Variants in GBP7 observed in about 807,000 individuals in gnomAD.
The protein encoded by GBP7 is guanylate-binding protein 7.
In GBP7, 43 loss-of-function variants were observed where a neutral mutation model predicts 61.3. The ratio of observed to expected loss-of-function variants is 0.70; its 90% CI spans 0.55 to 0.91. The LOEUF is 0.91. Ranked by LOEUF, GBP7 falls within the 40% of genes least tolerant of loss-of-function variation. GBP7 has a pLI of 0.00. For synonymous variants in GBP7, 267 were observed against 271.0 expected (o/e 0.99, Z 0.14); for missense variants, 717 against 740.5 (o/e 0.97, Z 0.37).
intron 8 of GBP7, among the ~76,000 whole-genome samples, chr1:89,146,882 C>T (rs1427682534): frequency 6.6e-6 from 1 of 152,184 alleles, no homozygotes; most frequent in African/African-American, 2.4e-5. Flanking sequence ...CATCATAGAA[C>T]ACAGGACAGT....
At chr1:89,159,549 G>A (rs567491282) in intron 3 of GBP7, among the ~76,000 whole-genome samples, 21 of 152,184 alleles carry the variant, frequency 1.4e-4, no homozygotes, top group Middle Eastern at 3.4e-3. Flanking sequence ...AAAAGTGGGC[G>A]AAGGATATGA....
chr1:89,148,002 A>T (rs1014500579), intron 7 of GBP7, among the ~76,000 whole-genome samples: 1 of 152,170 alleles, frequency 6.6e-6, no homozygotes, highest in Non-Finnish European at 1.5e-5. Flanking sequence ...AGTATGATTA[A>T]CAGTGATCTA....
intron 3 of GBP7, among the ~76,000 whole-genome samples, chr1:89,161,549 A>C (rs145788178): frequency 6.6e-6 from 1 of 151,040 alleles, no homozygotes; most frequent in East Asian, 1.9e-4. Flanking sequence ...TTTTTTCCAT[A>C]TGATTGTTGG....
At chr1:89,141,322 T>G (rs1181456635) in intron 9 of GBP7, among the ~76,000 whole-genome samples, 1 of 152,188 alleles carries the variant, frequency 6.6e-6, no homozygotes, top group Non-Finnish European at 1.5e-5. Flanking sequence ...CTCTGAATTC[T>G]GTCACTAGCC....
chr1:89,155,494 G>A (rs1682298661), intron 3 of GBP7, among the ~76,000 whole-genome samples: 1 of 152,140 alleles, frequency 6.6e-6, no homozygotes, highest in Non-Finnish European at 1.5e-5. Flanking sequence ...AGAATAAACA[G>A]CATAGAGAAG....
At chr1:89,141,486 A>ATC in intron 9 of GBP7, 60 bp downstream of exon 9, 1 of 1,442,782 alleles carries the variant, frequency 6.9e-7, no homozygotes, top group Admixed American at 1.8e-5. Flanking sequence ...TTTTCTGAAC[A>ATC]TCAAGAGAGT....
chr1:89,153,805 C>A (rs1682255710), intron 3 of GBP7, among the ~76,000 whole-genome samples: 1 of 152,108 alleles, frequency 6.6e-6, no homozygotes, highest in Non-Finnish European at 1.5e-5. Flanking sequence ...TCTATGAGTT[C>A]AAGCAAGAAG....
intron 2 of GBP7, among the ~76,000 whole-genome samples, chr1:89,169,287 C>T (rs1325465022): frequency 1.3e-5 from 2 of 151,902 alleles, no homozygotes; most frequent in Non-Finnish European, 2.9e-5. Context: ...AATAATTTTC[C>T]CAAGATATGT....
intron 8 of GBP7, among the ~76,000 whole-genome samples, chr1:89,143,353 T>C (rs904294515): frequency 6.6e-6 from 1 of 152,212 alleles, no homozygotes; most frequent in Non-Finnish European, 1.5e-5. Context: ...TAGTGACTTA[T>C]GAAGTAAAAA....
In GBP7 at chr1:89,150,574, G is replaced by A. The variant is rs1465954170; in HGVS notation, c.627C>T (p.Gly209=). The A allele has an allele frequency of 6.2e-7, 1 of 1,613,232 alleles. No individual in the cohort carries two copies. Residue 209 remains glycine, a splice_region_variant and synonymous_variant, in exon 6 of 11, where the codon GGC becomes GGT. Coordinates refer to ENST00000294671, the MANE Select transcript of GBP7 (RefSeq NM_207398.3). The part of the protein sequence containing the change: ...YLENALKLIS[G]KNPQIQNSNK... ...TAGAATTTTGGATTTGGGGATTCTTGCCTGCAGAATTAGTGAAAAAGTGAC... is the reference window on the plus strand; with the variant it reads ...TAGAATTTTGGATTTGGGGATTCTTACCTGCAGAATTAGTGAAAAAGTGAC...
At chr1:89,143,355 A>G (rs1423789064) in intron 8 of GBP7, among the ~76,000 whole-genome samples, 1 of 152,206 alleles carries the variant, frequency 6.6e-6, no homozygotes, top group Non-Finnish European at 1.5e-5. Context: ...GTGACTTATG[A>G]AGTAAAAAAT....
intron 3 of GBP7, 108 bp from the exon 4 acceptor site, chr1:89,152,885 C>G (rs1482536145): frequency 1.3e-6 from 1 of 756,698 alleles, no homozygotes; most frequent in African/African-American, 1.8e-5. Context: ...CCAGTTTTCC[C>G]AAAATGCTGT....
intron 2 of GBP7, among the ~76,000 whole-genome samples, chr1:89,170,523 A>G (rs963131219): frequency 2.0e-5 from 3 of 152,190 alleles, no homozygotes; most frequent in Non-Finnish European, 2.9e-5. Context: ...CCCAGTCACC[A>G]ATCACTTTCC....
intron 2 of GBP7, among the ~76,000 whole-genome samples, chr1:89,168,591 A>T (rs1157096618): frequency 3.9e-5 from 6 of 151,944 alleles, no homozygotes; most frequent in Non-Finnish European, 7.4e-5. Context: ...TAACCACTAT[A>T]CTCATTTGAG....
intron 3 of GBP7, 68 bp downstream of exon 3, chr1:89,164,663 G>T: frequency 2.0e-6 from 3 of 1,473,350 alleles, no homozygotes; most frequent in Non-Finnish European, 2.8e-6. Context: ...AAGTTGGATT[G>T]ATACTATGCA....
At chr1:89,169,425 A>T (rs957318921) in intron 2 of GBP7, among the ~76,000 whole-genome samples, 1 of 152,262 alleles carries the variant, frequency 6.6e-6, no homozygotes, top group African/African-American at 2.4e-5. Context: ...TTCTGCAAAC[A>T]AAGAAACCTT....
intron 2 of GBP7, 122 bp from the exon 3 acceptor site, chr1:89,164,980 A>T (rs1647383119): frequency 1.1e-6 from 1 of 893,434 alleles, no homozygotes. Context: ...CTTCCATTTC[A>T]GCAAAGACAA....
intron 2 of GBP7, among the ~76,000 whole-genome samples, chr1:89,168,177 T>C (rs1467021733): frequency 6.6e-6 from 1 of 152,218 alleles, no homozygotes; most frequent in Non-Finnish European, 1.5e-5. Context: ...CTAACTTCTC[T>C]ATTTTTGCTC....
chr1:89,147,201 C>T (rs1682089010), intron 8 of GBP7, among the ~76,000 whole-genome samples: 1 of 152,148 alleles, frequency 6.6e-6, no homozygotes, highest in South Asian at 2.1e-4. Context: ...TAACCACAAT[C>T]ACACCATATC....
Sources: gnomAD v4.1 joint callset for allele counts (sites outside exome capture counted in the v4.1 genomes callset) on GRCh38, gnomAD v4.1.1 for gene constraint, MANE v1.5 for transcripts, NCBI Gene and HGNC (gene_info 2026-07-23, HGNC 2026-07-21) for gene names.